MAGI3: variants seen among roughly 807,000 people sequenced by gnomAD.
MAGI3 encodes the protein membrane-associated guanylate kinase, WW and PDZ domain-containing protein 3.
In MAGI3, 43 loss-of-function variants were observed where a neutral mutation model predicts 121.8. The observed-to-expected ratio is 0.35, with a 90% CI of 0.28 to 0.46. The LOEUF is 0.46. MAGI3 is among the 20% of genes least tolerant of loss of function. MAGI3 has a pLI of 1.00. For missense variants in MAGI3, 1,547 were observed against 1,797.3 expected (o/e 0.86, Z 2.52); for synonymous variants, 553 against 639.3 (o/e 0.86, Z 2.04).
chr1:113,587,756 C>G (rs1016151474), intron 4 of MAGI3, among the ~76,000 whole-genome samples: 1 of 152,118 alleles, frequency 6.6e-6, no homozygotes. Flanking sequence ...CTCCTTTATT[C>G]AATTGCTTGG....
At chr1:113,485,291 C>T (rs933191872) in intron 1 of MAGI3, among the ~76,000 whole-genome samples, 1 of 152,122 alleles carries the variant, frequency 6.6e-6, no homozygotes, top group African/African-American at 2.4e-5. Flanking sequence ...AAAAGTGCTC[C>T]TTTTTCACTG....
intron 6 of MAGI3, among the ~76,000 whole-genome samples, chr1:113,608,189 A>G (rs1202870652): frequency 1.3e-5 from 2 of 151,896 alleles, no homozygotes; most frequent in Non-Finnish European, 2.9e-5. Flanking sequence ...ATATCCTTTC[A>G]GTAGAGACTT....
rs535016045 is a variant in MAGI3, at chr1:113,600,249, C to G, written c.1018+5689C>G. 8.0e-3 allele frequency among the ~76,000 whole-genome samples: 1,212 copies of G among 151,964 alleles called. 7 individuals carry two copies. Among genetic ancestry groups the G allele is most frequent in the Admixed American group, 0.011 (161 of 15,256 alleles). ...CAATTAGGCAGGAGAAGGAAATAAA[C>G]GGTATTCAATTAGGAAAAGAGGAAG... On this transcript the variant is annotated intron_variant, in intron 6 of 20. Transcript: ENST00000307546.
At chr1:113,584,968 T>A (rs1777235) in intron 3 of MAGI3, among the ~76,000 whole-genome samples, 2,857 of 15,286 alleles carry the variant, frequency 0.19, 253 homozygotes, top group African/African-American at 0.46. Flanking sequence ...AGATATTTCC[T>A]TTTTTTTTTT....
intron 1 of MAGI3, among the ~76,000 whole-genome samples, chr1:113,403,022 C>T (rs1339957230): frequency 1.3e-5 from 2 of 152,124 alleles, no homozygotes; most frequent in African/African-American, 4.8e-5. Flanking sequence ...TTACCACATA[C>T]TCCTTTGCAA....
At chr1:113,663,593 C>A (rs1030487482) in intron 16 of MAGI3, among the ~76,000 whole-genome samples, 1 of 152,068 alleles carries the variant, frequency 6.6e-6, no homozygotes, top group African/African-American at 2.4e-5. Context: ...ATATATTTTT[C>A]TTACCTATTA....
At chr1:113,606,588 C>T (rs949428346) in intron 6 of MAGI3, among the ~76,000 whole-genome samples, 13 of 152,000 alleles carry the variant, frequency 8.6e-5, no homozygotes, top group Non-Finnish European at 1.6e-4. Flanking sequence ...CTAGTATTGT[C>T]CTTTGTTCTG....
At chr1:113,582,468 CAACATT>C (rs1570898230) in intron 3 of MAGI3, among the ~76,000 whole-genome samples, 2 of 66,760 alleles carry the variant, frequency 3.0e-5, no homozygotes, top group African/African-American at 1.3e-4. Context: ...TTATAGGTAT[CAACATT>C]AATAGGTCTT....
chr1:113,445,521 G>T (rs1450079181), intron 1 of MAGI3, among the ~76,000 whole-genome samples: 2 of 152,142 alleles, frequency 1.3e-5, no homozygotes, highest in East Asian at 3.9e-4. Context: ...GGGAGGCTGA[G>T]ATGAGAGATT....
At chr1:113,413,826 A>G (rs1330494695) in intron 1 of MAGI3, among the ~76,000 whole-genome samples, 1 of 152,192 alleles carries the variant, frequency 6.6e-6, no homozygotes, top group African/African-American at 2.4e-5. Flanking sequence ...ATCTGCAAAC[A>G]GGGACAATTT....
intron 1 of MAGI3, among the ~76,000 whole-genome samples, chr1:113,467,503 A>G (rs543413993): frequency 1.3e-5 from 2 of 152,108 alleles, no homozygotes; most frequent in South Asian, 2.1e-4. Flanking sequence ...TGAATGATCT[A>G]TTACTGAGAG....
chr1:113,678,605 G>T (rs1403019378), intron 19 of MAGI3, among the ~76,000 whole-genome samples: 2 of 152,150 alleles, frequency 1.3e-5, no homozygotes, highest in East Asian at 3.9e-4. Flanking sequence ...GTATAGAATG[G>T]AGTGCAGTCT....
chr1:113,649,134 G>A (rs1026359470), intron 12 of MAGI3, 103 bp from the exon 13 acceptor site: 23 of 759,296 alleles, frequency 3.0e-5, no homozygotes, highest in Middle Eastern at 3.6e-4. Context: ...TGAGATTATA[G>A]TTTATTGAGT....
At chr1:113,583,626 T>C (rs1394487623) in intron 3 of MAGI3, among the ~76,000 whole-genome samples, 2 of 152,064 alleles carry the variant, frequency 1.3e-5, no homozygotes, top group Admixed American at 6.6e-5. Flanking sequence ...TCAGGAAAAA[T>C]AGAGACCCTC....
At chr1:113,400,689 C>T (rs1408550516) in intron 1 of MAGI3, among the ~76,000 whole-genome samples, 2 of 152,106 alleles carry the variant, frequency 1.3e-5, no homozygotes, top group Non-Finnish European at 2.9e-5. Flanking sequence ...AGAATTGTAT[C>T]TCAATCCAAC....
chr1:113,632,637 A>G (rs969489119), intron 9 of MAGI3, among the ~76,000 whole-genome samples: 60 of 152,190 alleles, frequency 3.9e-4, no homozygotes, highest in African/African-American at 1.4e-3. Flanking sequence ...AGCAAAACCA[A>G]CTTTTAGAGG....
chr1:113,399,103 T>G (rs2101285776), intron 1 of MAGI3, among the ~76,000 whole-genome samples: 1 of 148,820 alleles, frequency 6.7e-6, no homozygotes, highest in Non-Finnish European at 1.5e-5. Context: ...TTCTCTTTTC[T>G]TCTGGGTTGG....
At chr1:113,522,129 A>G (rs563951916) in intron 1 of MAGI3, among the ~76,000 whole-genome samples, 244 of 152,200 alleles carry the variant, frequency 1.6e-3, no homozygotes, top group African/African-American at 5.7e-3. Flanking sequence ...CTTTTTTGAG[A>G]CAGGGTCTCA....
In MAGI3 at chr1:113,489,879, A is replaced by G. The variant is rs938215796; in HGVS notation, c.317-59636A>G. On this transcript the variant is annotated intron_variant, in intron 1 of 20. Coordinates refer to ENST00000307546, the MANE Select transcript of MAGI3 (RefSeq NM_001142782.2). ...GGAAGGAACAAAACCTCCAAGAAAT[A>G]TGGAATTATGTAAAGAGACCAAATT... 3.9e-5 allele frequency among the ~76,000 whole-genome samples: 6 copies of G among 152,212 alleles called. 1 individual carries two copies. In the South Asian group the frequency reaches 1.2e-3, roughly 32 times the overall value.
Sources: gnomAD v4.1 joint callset for allele counts (sites outside exome capture counted in the v4.1 genomes callset) on GRCh38, gnomAD v4.1.1 for gene constraint, MANE v1.5 for transcripts, NCBI Gene and HGNC (gene_info 2026-07-23, HGNC 2026-07-21) for gene names.